The following DDX19B variants were observed in gnomAD, a reference collection of about 807,000 sequenced individuals.
DDX19B encodes DEAD-box helicase 19B.
A neutral mutation model predicts 58.1 loss-of-function variants in DDX19B; 27 were observed. That is an observed-to-expected ratio of 0.46 (90% confidence interval 0.34 to 0.64). DDX19B has a LOEUF of 0.64. Ranked by LOEUF, DDX19B falls within the 30% of genes least tolerant of loss-of-function variation. The pLI is 0.01. For missense variants in DDX19B, 399 were observed against 596.5 expected, an observed-to-expected ratio of 0.67 and a Z score of 3.45; for synonymous variants, 187 against 214.4, an observed-to-expected ratio of 0.87 and a Z score of 1.12.
chr16:70,312,962 C>A (rs969002764), intron 2 of DDX19B, among the ~76,000 whole-genome samples: 4 of 151,906 alleles, frequency 2.6e-5, no homozygotes, highest in Non-Finnish European at 5.9e-5. Flanking sequence ...TCCACCTCAG[C>A]CTCCTGAGTA....
chr16:70,295,883 T>A (rs1278011176), upstream of DDX19B, among the ~76,000 whole-genome samples: 1 of 151,212 alleles, frequency 6.6e-6, no homozygotes, highest in Non-Finnish European at 1.5e-5. Flanking sequence ...GTCTCTAATT[T>A]AAAAAAAACC....
At position 70,332,975 on chromosome 16, in the gene DDX19B, T is replaced by C. The variant is rs141261329; in HGVS notation, c.1194T>C (p.Asp398=). ...CAACTCTCCTTCCTGCAGGCATTGA[T>C]GTTGAACAAGTGTCTGTCGTCATCA... The part of the protein sequence containing the change: ...VTTNVCARGI[D]VEQVSVVINF... The change falls in exon 11 of 12, where the codon GAT becomes GAC. Residue 398 remains aspartate (D), a synonymous_variant. Transcript: ENST00000288071. 3.9e-5 allele frequency: 63 copies of C among 1,613,504 alleles called. No homozygotes were observed. In the African/African-American group the frequency reaches 7.9e-4, roughly 20 times the overall value.
In DDX19B at chr16:70,325,603, C is replaced by T. The variant is rs1384451236; in HGVS notation, c.522C>T (p.Leu174=). The part of the protein sequence containing the change: ...QCLCLSPTYE[L]ALQTGKVIEQ... ...TATGTCTCTCCCCAACGTATGAGCTCGCCCTCCAAACAGGAAAAGTGATTG... is the reference window on the plus strand; with the variant it reads ...TATGTCTCTCCCCAACGTATGAGCTTGCCCTCCAAACAGGAAAAGTGATTG... The change falls in exon 7 of 12, where the codon CTC becomes CTT. Residue 174 remains leucine (L), a synonymous_variant. Transcript: ENST00000288071. The T allele has an allele frequency of 6.2e-6, 10 of 1,613,904 alleles. No individual in the cohort carries two copies. In the East Asian group the frequency reaches 1.1e-4, roughly 18 times the overall value.
chr16:70,329,725 C>T (rs1251748209), intron 8 of DDX19B, 106 bp from the exon 9 acceptor site: 1 of 1,484,084 alleles, frequency 6.7e-7, no homozygotes, highest in South Asian at 1.2e-5. Context: ...AGACGCTCCT[C>T]TCCCATCAGC....
At chr16:70,297,348 G>A (rs79125516), upstream of DDX19B, among the ~76,000 whole-genome samples, 10,876 of 152,076 alleles carry the variant, frequency 0.072, 1,309 homozygotes, top group African/African-American at 0.25. Flanking sequence ...AAGTAGCTGG[G>A]ATTACAGGTG....
chr16:70,302,729 T>C (rs1233377004), intron 1 of DDX19B, among the ~76,000 whole-genome samples: 2 of 152,232 alleles, frequency 1.3e-5, no homozygotes, highest in East Asian at 3.8e-4. Flanking sequence ...TATGGACATA[T>C]GTTTGCATTT....
chr16:70,333,516 C>G lies in DDX19B; in HGVS notation c.1379-5C>G. The G allele has an allele frequency of 6.2e-7, 1 of 1,613,986 alleles. No individual in the cohort carries two copies. Among genetic ancestry groups the G allele is most frequent in the Non-Finnish European group, 8.5e-7 (1 of 1,179,866 alleles). On this transcript the variant is annotated splice_polypyrimidine_tract_variant and splice_region_variant and intron_variant, in intron 11 of 11. Transcript: ENST00000288071. ...AGGGTAGAGACCTGTGTATCTTTCC[C>G]CCAGATAAGAAGATAGAAAGATTGG... is the stretch of plus-strand genomic sequence containing the variant.
chr16:70,329,172 G>A lies in DDX19B; in HGVS notation c.608-120G>A, dbSNP rs560649761. The A allele has an allele frequency of 1.1e-5, 15 of 1,350,490 alleles. 1 individual carries two copies. In the Admixed American group the frequency reaches 2.2e-4, roughly 20 times the overall value. 83.7% of individuals were successfully genotyped at this position (1,350,490 alleles called of 1,614,324 possible). Reference sequence around the variant, plus strand: ...TGGGCGGCAGAGGTTGCAGTGAGTCGAGATCATGCCATTGCACTCCAGCCT... The same window carrying A: ...TGGGCGGCAGAGGTTGCAGTGAGTCAAGATCATGCCATTGCACTCCAGCCT... On this transcript the variant is annotated intron_variant, in intron 7 of 11. Coordinates refer to ENST00000288071, the MANE Select transcript of DDX19B (RefSeq NM_007242.7).
At chr16:70,315,490 A>G (rs966034651) in intron 3 of DDX19B, 2 of 155,348 alleles carry the variant, frequency 1.3e-5, no homozygotes, top group Non-Finnish European at 2.9e-5. Context: ...GAACAGTTGA[A>G]TAGGGCATTA....
upstream of DDX19B, among the ~76,000 whole-genome samples, chr16:70,297,119 T>C (rs979698468): frequency 2.0e-5 from 3 of 152,180 alleles, no homozygotes; most frequent in African/African-American, 7.2e-5. Context: ...TTTCACCATG[T>C]TGGTCAGGAT....
At chr16:70,314,722 G>T in intron 2 of DDX19B, 180 bp from the exon 3 acceptor site, 1 of 559,296 alleles carries the variant, frequency 1.8e-6, no homozygotes. Flanking sequence ...GTGAGCAACA[G>T]TGTTTTACAC....
At chr16:70,300,444 G>T (rs1363528193) in intron 1 of DDX19B, among the ~76,000 whole-genome samples, 1 of 152,130 alleles carries the variant, frequency 6.6e-6, no homozygotes, top group Non-Finnish European at 1.5e-5. Flanking sequence ...CAGCGTGCAA[G>T]TGATCCACCT....
chr16:70,313,685 CATTAA>C (rs1283062946), intron 2 of DDX19B, among the ~76,000 whole-genome samples: 1 of 152,122 alleles, frequency 6.6e-6, no homozygotes, highest in African/African-American at 2.4e-5. Context: ...TTAAGATTTC[CATTAA>C]ATTATTGTTG....
At position 70,323,839 on chromosome 16, in the gene DDX19B, G is replaced by T. The variant is rs1302605944; in HGVS notation, c.390-746G>T. ...TCTTGTTTTTTTTAGGCATTTCAAG[G>T]TAGATTACACTTTTAAATCAAGTGG... On this transcript the variant is annotated intron_variant, in intron 5 of 11. Coordinates refer to ENST00000288071, the MANE Select transcript of DDX19B (RefSeq NM_007242.7). Among the ~76,000 whole-genome samples the T allele has an allele frequency of 2.0e-5, 3 of 152,062 alleles. No homozygotes were observed. The East Asian group carries it at 5.8e-4, about 29-fold the overall frequency.
At chr16:70,314,221 A>T (rs1422674354) in intron 2 of DDX19B, among the ~76,000 whole-genome samples, 1 of 152,132 alleles carries the variant, frequency 6.6e-6, no homozygotes, top group Non-Finnish European at 1.5e-5. Context: ...ATAAAATACG[A>T]TTTGCATAGA....
upstream of DDX19B, among the ~76,000 whole-genome samples, chr16:70,292,343 C>T (rs1406238213): frequency 1.3e-5 from 2 of 152,068 alleles, no homozygotes; most frequent in Non-Finnish European, 2.9e-5. Context: ...ATGAGGGTTT[C>T]GCCATGTTGG....
chr16:70,325,676 C>A lies in DDX19B; in HGVS notation c.595C>A (p.Arg199=). The A allele has an allele frequency of 6.2e-7, 1 of 1,610,914 alleles. No individual in the cohort carries two copies. Among genetic ancestry groups the A allele is most frequent in the African/African-American group, 1.3e-5 (1 of 74,884 alleles). The part of the protein sequence containing the change: ...YPELKLAYAV[R]GNKLERGQKI... Reference sequence around the variant, plus strand: ...TGAACTGAAGCTAGCTTATGCTGTTCGAGGCAATAAATGTGAGTATGTGAA... The same window carrying A: ...TGAACTGAAGCTAGCTTATGCTGTTAGAGGCAATAAATGTGAGTATGTGAA... The change falls in exon 7 of 12, where the codon CGA becomes AGA. Residue 199 remains arginine (R), a synonymous_variant. Coordinates refer to ENST00000288071, the MANE Select transcript of DDX19B (RefSeq NM_007242.7).
chr16:70,294,140 G>A (rs1961135686), upstream of DDX19B, among the ~76,000 whole-genome samples: 1 of 145,654 alleles, frequency 6.9e-6, no homozygotes, highest in South Asian at 2.2e-4. Context: ...GGAGTGCAGT[G>A]GCGCGATCTC....
chr16:70,318,210 A>G (rs1194116889), intron 5 of DDX19B, among the ~76,000 whole-genome samples: 1 of 151,430 alleles, frequency 6.6e-6, no homozygotes, highest in Non-Finnish European at 1.5e-5. Context: ...CGACTCTACT[A>G]AAAAAATACA....
Sources: allele counts gnomAD v4.1 joint callset (sites outside exome capture counted in the v4.1 genomes callset), GRCh38; gene constraint gnomAD v4.1.1; transcripts MANE v1.5; gene names NCBI Gene and HGNC (gene_info 2026-07-23, HGNC 2026-07-21).